Variants in RIC1 observed in about 807,000 individuals in gnomAD.
The protein encoded by RIC1 is guanine nucleotide exchange factor subunit RIC1.
In RIC1, 88 loss-of-function variants were observed where a neutral mutation model predicts 169.0. The ratio of observed to expected loss-of-function variants is 0.52; its 90% CI spans 0.44 to 0.62. The LOEUF (loss-of-function observed/expected upper bound fraction) is 0.62, where lower values mean the gene tolerates loss of function less well. Ranked by LOEUF, RIC1 falls within the 20% of genes least tolerant of loss-of-function variation. The pLI, the probability that RIC1 is intolerant of heterozygous loss-of-function variation, is 0.00. For missense variants in RIC1, 1,877 were observed against 1,725.5 expected (o/e 1.09, Z -1.56); for synonymous variants, 790 against 601.5 (o/e 1.31, Z -4.59).
intron 3 of RIC1, among the ~76,000 whole-genome samples, chr9:5,708,665 G>T (rs1396703188): frequency 6.6e-6 from 1 of 151,988 alleles, no homozygotes; most frequent in African/African-American, 2.4e-5. Context: ...TACATCTCTT[G>T]CTGCTTTCAA....
At chr9:5,676,906 G>T (rs937074379) in intron 2 of RIC1, among the ~76,000 whole-genome samples, 4 of 152,194 alleles carry the variant, frequency 2.6e-5, no homozygotes, top group Non-Finnish European at 4.4e-5. Context: ...ATTTCTCACA[G>T]TTGGTTTATC....
chr9:5,755,884 C>T (rs1171171955), intron 15 of RIC1, among the ~76,000 whole-genome samples: 1 of 152,024 alleles, frequency 6.6e-6, no homozygotes, highest in Non-Finnish European at 1.5e-5. Flanking sequence ...GATCATGCCA[C>T]TGCACTCCAG....
At chr9:5,733,234 A>G (rs1405385337) in intron 7 of RIC1, among the ~76,000 whole-genome samples, 1 of 150,876 alleles carries the variant, frequency 6.6e-6, no homozygotes, top group Non-Finnish European at 1.5e-5. Flanking sequence ...CTCCAGCCAT[A>G]TCATCACCAC....
intron 2 of RIC1, among the ~76,000 whole-genome samples, chr9:5,685,495 T>G (rs1272876889): frequency 4.0e-5 from 6 of 149,170 alleles, no homozygotes; most frequent in African/African-American, 1.5e-4. Context: ...ATCTGATCTT[T>G]GACAAACCTG....
At chr9:5,742,639 C>T (rs1032710852) in intron 8 of RIC1, among the ~76,000 whole-genome samples, 20 of 152,190 alleles carry the variant, frequency 1.3e-4, no homozygotes, top group Non-Finnish European at 2.5e-4. Flanking sequence ...AAACAGCTTT[C>T]ACTTCTTACA....
At chr9:5,647,973 GA>G (rs1217548482) in intron 1 of RIC1, among the ~76,000 whole-genome samples, 229 of 134,122 alleles carry the variant, frequency 1.7e-3, no homozygotes, top group African/African-American at 7.4e-3. Flanking sequence ...TGGTGGTGGT[GA>G]TGGTGGTGGT....
intron 2 of RIC1, among the ~76,000 whole-genome samples, chr9:5,678,957 CT>C (rs554463926): frequency 0.058 from 8,775 of 151,894 alleles, 355 homozygotes; most frequent in African/African-American, 0.12. Flanking sequence ...AGGTTTTCTT[CT>C]AGGGTTTTTA....
Position 5,762,639 on chromosome 9 carries a change from C to T in RIC1, c.2091C>T (p.Asn697=). ...SGPQIREKDS[N]PNNQRKLLPF... ...CACAGATCCGGGAGAAGGACAGTAA[C>T]CCTAATAACCAAAGGAAACTTGTGA... is the stretch of plus-strand genomic sequence containing the variant. The change falls in exon 18 of 26, where the codon AAC becomes AAT. Residue 697 remains asparagine (N), a synonymous_variant. Coordinates refer to ENST00000414202, the MANE Select transcript of RIC1 (RefSeq NM_020829.4). The T allele has an allele frequency of 1.2e-6, 2 of 1,613,762 alleles. No individual in the cohort carries two copies. Among genetic ancestry groups the T allele is most frequent in the Non-Finnish European group, 1.7e-6 (2 of 1,179,870 alleles).
At position 5,765,496 on chromosome 9, in the gene RIC1, G is replaced by C. The variant is rs761564303; in HGVS notation, c.2924G>C (p.Cys975Ser). The change falls in exon 20 of 26, where the codon TGT (cysteine) becomes TCT (serine). Residue 975 changes from cysteine to serine, a missense_variant. Physicochemically the swap from Cys to Ser is moderately radical, Grantham distance 112. Coordinates refer to ENST00000414202, the MANE Select transcript of RIC1 (RefSeq NM_020829.4). The stretch of plus-strand genomic sequence containing the variant: ...CTAGAACAAGGCAAGTGGGACCTTT[G>C]TCGACACATGATTCGATTTCTTAAA... Reference protein sequence around the residue: ...TALEQGKWDLCRHMIRFLKAI... With the variant: ...TALEQGKWDLSRHMIRFLKAI... The C allele has an allele frequency of 3.1e-6, 5 of 1,614,050 alleles. No individual in the cohort carries two copies. The Admixed American group carries it at 5.0e-5, about 16-fold the overall frequency.
intron 1 of RIC1, among the ~76,000 whole-genome samples, chr9:5,647,193 C>T (rs1029374782): frequency 1.3e-4 from 20 of 152,106 alleles, no homozygotes; most frequent in East Asian, 7.7e-4. Context: ...TGTGCCAGTA[C>T]GACAGTATTT....
intron 1 of RIC1, among the ~76,000 whole-genome samples, chr9:5,636,509 A>G (rs75889443): frequency 4.6e-5 from 7 of 151,942 alleles, no homozygotes; most frequent in Non-Finnish European, 8.8e-5. Flanking sequence ...TAGTAGAGAC[A>G]GGGTTTCACC....
At chr9:5,645,871 A>C (rs758865100) in intron 1 of RIC1, among the ~76,000 whole-genome samples, 17 of 151,940 alleles carry the variant, frequency 1.1e-4, no homozygotes, top group Non-Finnish European at 2.5e-4. Context: ...TGGGTAGACA[A>C]ATATCCAGAT....
chr9:5,674,327 A>G (rs1042471798), intron 2 of RIC1, among the ~76,000 whole-genome samples: 1 of 152,200 alleles, frequency 6.6e-6, no homozygotes, highest in African/African-American at 2.4e-5. Flanking sequence ...ATAAGCTAAA[A>G]TGTTAATTCA....
Position 5,637,919 on chromosome 9 carries a change from G to A in RIC1, c.144+8466G>A, listed in dbSNP as rs546326204. ...AATAGTGAAGGTGGGCATCTTTGTC[G>A]TGTTCCAGATCTTAGAGGAAAGGCT... On this transcript the variant is annotated intron_variant, in intron 1 of 25. Transcript: ENST00000414202. Among the ~76,000 whole-genome samples the A allele has an allele frequency of 8.3e-4, 127 of 152,206 alleles. 1 individual carries two copies. Among genetic ancestry groups the A allele is most frequent in the African/African-American group, 2.7e-3 (112 of 41,536 alleles).
intron 7 of RIC1, among the ~76,000 whole-genome samples, chr9:5,737,690 A>G (rs1435980721): frequency 2.0e-5 from 3 of 151,800 alleles, no homozygotes; most frequent in South Asian, 2.1e-4. Context: ...AAAAATTTAC[A>G]TATAACTTTT....
At position 5,770,144 on chromosome 9, in the gene RIC1, A is replaced by G; in HGVS notation, c.3482A>G (p.Asp1161Gly). The change falls in exon 23 of 26, where the codon GAT (aspartate) becomes GGT (glycine). Residue 1161 changes from aspartate (D) to glycine (G), a missense_variant. Physicochemically the swap from Asp to Gly is moderately conservative, Grantham distance 94 (BLOSUM62 -1). This residue lies in a region of RIC1 where 681 missense variants were observed against 582.0 expected (regional missense o/e 1.17). Transcript: ENST00000414202. Reference sequence around the variant, plus strand: ...GACCCATTTTTGAACCTTGAGATGGATGCTGGCATCTCCAACATCCAGCGA... The same window carrying G: ...GACCCATTTTTGAACCTTGAGATGGGTGCTGGCATCTCCAACATCCAGCGA... ...SADPFLNLEM[D>G]AGISNIQRSQ... 6.2e-7 allele frequency: 1 copy of G among 1,613,866 alleles called. No individual in the cohort carries two copies. Among genetic ancestry groups the G allele is most frequent in the Non-Finnish European group, 8.5e-7 (1 of 1,179,870 alleles).
intron 1 of RIC1, among the ~76,000 whole-genome samples, chr9:5,635,802 C>T (rs760093129): frequency 1.8e-4 from 28 of 152,198 alleles, no homozygotes; most frequent in Admixed American, 9.8e-4. Context: ...TCCTTCTACA[C>T]GCTCTGTCTC....
rs754497180 is a variant in RIC1, at chr9:5,747,447, G to T, written c.1394G>T (p.Gly465Val). 20 of 1,613,990 alleles carry T rather than the reference G, an allele frequency of 1.2e-5. No homozygotes were observed. The highest frequency in any genetic ancestry group is 1.7e-5 in the Non-Finnish European group (20 of 1,179,958). The change falls in exon 12 of 26, where the codon GGT becomes GTT. Residue 465 changes from glycine (G) to valine (V), a missense_variant. Gly to Val is a moderately radical substitution (Grantham distance 109). This residue lies in a region of RIC1 where 1,104 missense variants were observed against 992.0 expected (regional missense o/e 1.11). Coordinates refer to ENST00000414202, the MANE Select transcript of RIC1 (RefSeq NM_020829.4). ...GAAAAGAGCCCATTTGCAGATGGAG[G>T]TTTAGAGTCTCAGGGATTAAGCACT... ...SREKSPFADG[G>V]LESQGLSTLL...
At position 5,721,695 on chromosome 9, in the gene RIC1, G is replaced by A. The variant is rs541094011; in HGVS notation, c.720+945G>A. Among the ~76,000 whole-genome samples the A allele has an allele frequency of 7.4e-4, 113 of 152,222 alleles. 1 individual carries two copies. Among genetic ancestry groups the A allele is most frequent in the African/African-American group, 2.6e-3 (109 of 41,540 alleles). On this transcript the variant is annotated intron_variant, in intron 6 of 25. Coordinates refer to ENST00000414202, the MANE Select transcript of RIC1 (RefSeq NM_020829.4). ...CACTGGGGACCCTTGGCCAACTCCT[G>A]TCTCTGTCAGTATAATTATTTTTCC... is the stretch of plus-strand genomic sequence containing the variant.
Sources: allele counts gnomAD v4.1 joint callset (sites outside exome capture counted in the v4.1 genomes callset), GRCh38; gene constraint gnomAD v4.1.1; regional missense constraint gnomAD v4.1.1; transcripts MANE v1.5; gene names NCBI Gene and HGNC (gene_info 2026-07-23, HGNC 2026-07-21).